MACROD2: variants seen among roughly 807,000 people sequenced by gnomAD.
The protein encoded by MACROD2 is mono-ADP ribosylhydrolase 2, also known as ADP-ribose glycohydrolase MACROD2.
A neutral mutation model predicts 70.4 loss-of-function variants in MACROD2; 36 were observed. The observed-to-expected ratio is 0.51, with a 90% CI of 0.39 to 0.68. The LOEUF (loss-of-function observed/expected upper bound fraction) is 0.68. MACROD2 is among the 30% of genes least tolerant of loss of function. MACROD2 has a pLI of 0.00. For missense variants in MACROD2, 496 were observed against 538.4 expected, an observed-to-expected ratio of 0.92 and a Z score of 0.78; for synonymous variants, 172 against 178.8, an observed-to-expected ratio of 0.96 and a Z score of 0.30.
intron 8 of MACROD2, among the ~76,000 whole-genome samples, chr20:15,719,965 TCCCC>T (rs1285547525): frequency 6.6e-6 from 1 of 152,094 alleles, no homozygotes; most frequent in African/African-American, 2.4e-5. Flanking sequence ...TCCCCTACCC[TCCCC>T]AGTCTTTGGT....
chr20:15,176,262 G>A (rs1298301183), intron 5 of MACROD2, among the ~76,000 whole-genome samples: 1 of 152,186 alleles, frequency 6.6e-6, no homozygotes, highest in African/African-American at 2.4e-5. Flanking sequence ...CATGTTGATG[G>A]CAGCAGAAGG....
chr20:15,521,117 A>G (rs768086758), intron 8 of MACROD2, among the ~76,000 whole-genome samples: 6 of 152,222 alleles, frequency 3.9e-5, no homozygotes, highest in Admixed American at 2.0e-4. Flanking sequence ...CCCTAATTGT[A>G]TCATCAGCTT....
intron 3 of MACROD2, among the ~76,000 whole-genome samples, chr20:14,370,816 T>G (rs2083315402): frequency 1.3e-5 from 2 of 152,208 alleles, no homozygotes; most frequent in African/African-American, 4.8e-5. Context: ...AGTCTCCCTG[T>G]GCTTTATTAA....
intron 3 of MACROD2, among the ~76,000 whole-genome samples, chr20:14,402,610 G>T (rs2083649304): frequency 6.6e-6 from 1 of 152,086 alleles, no homozygotes; most frequent in Non-Finnish European, 1.5e-5. Flanking sequence ...ATAGTTTATA[G>T]AAAATGTGTC....
intron 5 of MACROD2, among the ~76,000 whole-genome samples, chr20:14,942,864 A>G (rs1468226048): frequency 6.6e-6 from 1 of 152,168 alleles, no homozygotes. Flanking sequence ...TGTGCCTTCT[A>G]TCCTGACTAC....
At chr20:15,224,161 C>G (rs977362447) in intron 5 of MACROD2, among the ~76,000 whole-genome samples, 7 of 152,158 alleles carry the variant, frequency 4.6e-5, no homozygotes, top group African/African-American at 1.4e-4. Flanking sequence ...AGCCAAACCC[C>G]CTAGCCAAGC....
At chr20:14,934,005 A>G (rs2074318799) in intron 5 of MACROD2, 1 of 152,206 alleles carries the variant, frequency 6.6e-6, no homozygotes, top group Non-Finnish European at 1.5e-5. Context: ...GGAACTCAGA[A>G]AGGTTAAATA....
chr20:14,148,449 T>C (rs1008115264), intron 3 of MACROD2, among the ~76,000 whole-genome samples: 1 of 152,198 alleles, frequency 6.6e-6, no homozygotes, highest in Non-Finnish European at 1.5e-5. Flanking sequence ...TTTTGTAGGA[T>C]TTATTTTATT....
At chr20:14,342,288 A>T (rs2083021494) in intron 3 of MACROD2, among the ~76,000 whole-genome samples, 1 of 152,234 alleles carries the variant, frequency 6.6e-6, no homozygotes, top group Admixed American at 6.5e-5. Flanking sequence ...AGGTTTTACC[A>T]TGCTGAAACT....
intron 15 of MACROD2, among the ~76,000 whole-genome samples, chr20:16,031,314 A>C (rs1442690248): frequency 6.6e-6 from 1 of 152,186 alleles, no homozygotes; most frequent in Admixed American, 6.5e-5. Context: ...TTCCCTGAAA[A>C]GTTTGAGTAT....
intron 5 of MACROD2, among the ~76,000 whole-genome samples, chr20:14,720,569 T>TTGTGTGTGTGTG (rs1555821251): frequency 1.2e-5 from 1 of 84,094 alleles, no homozygotes; most frequent in African/African-American, 4.7e-5. Flanking sequence ...TTTTTTTTTT[T>TTGTGTGTGTGTG]TGTGAGGCAG....
At chr20:14,476,557 A>G (rs1009507927) in intron 3 of MACROD2, among the ~76,000 whole-genome samples, 1 of 152,066 alleles carries the variant, frequency 6.6e-6, no homozygotes, top group Non-Finnish European at 1.5e-5. Context: ...GGGTTTCACT[A>G]TGTTGGCCAG....
At chr20:14,090,976 TGTGCTTCCCTAATGATTA>T in intron 3 of MACROD2, among the ~76,000 whole-genome samples, 1 of 152,356 alleles carries the variant, frequency 6.6e-6, no homozygotes, top group Admixed American at 6.5e-5. Flanking sequence ...GGTTTCCATT[TGTGCTTCCCTAATGATTA>T]GTGGTGCTGA....
At chr20:14,251,282 A>C (rs2082010564) in intron 3 of MACROD2, among the ~76,000 whole-genome samples, 1 of 152,158 alleles carries the variant, frequency 6.6e-6, no homozygotes, top group Non-Finnish European at 1.5e-5. Flanking sequence ...CGATAAAAGT[A>C]CTTTAAGAAA....
At chr20:14,705,160 A>C (rs1183011519) in intron 5 of MACROD2, among the ~76,000 whole-genome samples, 1 of 151,946 alleles carries the variant, frequency 6.6e-6, no homozygotes, top group Non-Finnish European at 1.5e-5. Flanking sequence ...TTTCTTAACT[A>C]TCCTCCTCAT....
intron 3 of MACROD2, chr20:14,128,008 CT>C: frequency 3.7e-6 from 2 of 544,188 alleles, no homozygotes; most frequent in South Asian, 1.5e-5. Context: ...AATCATGTTC[CT>C]TTTGAACAGA....
intron 3 of MACROD2, among the ~76,000 whole-genome samples, chr20:14,370,405 G>A (rs1325932714): frequency 6.6e-6 from 1 of 152,064 alleles, no homozygotes. Flanking sequence ...ATTTTGTTTG[G>A]GTTTGGGAAT....
chr20:14,114,303 T>C (rs2054489150), intron 3 of MACROD2, among the ~76,000 whole-genome samples: 1 of 152,152 alleles, frequency 6.6e-6, no homozygotes, highest in African/African-American at 2.4e-5. Context: ...TGGCTGTAGC[T>C]TAAAATACCT....
chr20:14,962,691 C>T (rs1407715608), intron 5 of MACROD2, among the ~76,000 whole-genome samples: 2 of 151,712 alleles, frequency 1.3e-5, no homozygotes, highest in African/African-American at 4.8e-5. Flanking sequence ...CTTCTTCCTT[C>T]TTATCTTTCT....
Sources: allele counts gnomAD v4.1 joint callset (sites outside exome capture counted in the v4.1 genomes callset), GRCh38; gene constraint gnomAD v4.1.1; transcripts MANE v1.5; gene names NCBI Gene and HGNC (gene_info 2026-07-23, HGNC 2026-07-21).